Variants in BPTF observed in about 807,000 individuals in gnomAD.
The protein encoded by BPTF is bromodomain PHD finger transcription factor, also known as nucleosome-remodeling factor subunit BPTF.
BPTF carries 18 observed loss-of-function variants against 292.5 expected under a neutral mutation model. The observed-to-expected ratio is 0.06, with a 90% CI of 0.04 to 0.09. The LOEUF (loss-of-function observed/expected upper bound fraction) is 0.09, where lower values mean the gene tolerates loss of function less well. Ranked by LOEUF, BPTF falls within the 10% of genes least tolerant of loss-of-function variation. BPTF has a pLI of 1.00. For missense variants in BPTF, 2,726 were observed against 3,498.7 expected, an observed-to-expected ratio of 0.78 and a Z score of 5.57; for synonymous variants, 1,225 against 1,251.9, an observed-to-expected ratio of 0.98 and a Z score of 0.45.
At position 67,928,436 on chromosome 17, in the gene BPTF, C is replaced by T. The variant is rs2064099622; in HGVS notation, c.5833C>T (p.Pro1945Ser). 1 of 1,614,186 alleles carries T rather than the reference C, an allele frequency of 6.2e-7. No individual in the cohort carries two copies. The highest frequency in any genetic ancestry group is 1.3e-5 in the African/African-American group (1 of 75,062). ...AAGCAGTACAACCAGCACCATCTCT[C>T]CAGCACAGAAGGTTATGGTGGCCCC... ...PTSSTTSTIS[P>S]AQKVMVAPIS... The change falls in exon 16 of 28, where the codon CCA (proline) becomes TCA (serine). Residue 1945 changes from proline to serine, a missense_variant. Pro to Ser is a moderately conservative substitution (Grantham distance 74). Transcript: ENST00000306378.
intron 3 of BPTF, 60 bp from the exon 4 acceptor site, chr17:67,874,756 TG>T: frequency 9.1e-7 from 1 of 1,099,160 alleles, no homozygotes; most frequent in Non-Finnish European, 1.3e-6. Flanking sequence ...GTGACATTTG[TG>T]GTACTGTTCT....
chr17:67,966,669 G>C lies in BPTF; in HGVS notation c.8539+13G>C. 6.7e-7 allele frequency: 1 copy of C among 1,487,448 alleles called. No homozygotes were observed. The highest frequency in any genetic ancestry group is 2.5e-5 in the East Asian group (1 of 40,722). 92.1% of individuals were successfully genotyped at this position (1,487,448 alleles called of 1,614,324 possible). The stretch of plus-strand genomic sequence containing the variant: ...AAGGAACCTATGGGTAAGTACATGA[G>C]TTGAATATGAAGTTTTTCAGAAGTC... On this transcript the variant is annotated intron_variant, in intron 26 of 27. Coordinates refer to ENST00000306378, the MANE Select transcript of BPTF (RefSeq NM_182641.4).
intron 2 of BPTF, among the ~76,000 whole-genome samples, chr17:67,865,412 A>G (rs2059338770): frequency 6.6e-6 from 1 of 152,212 alleles, no homozygotes; most frequent in South Asian, 2.1e-4. Context: ...TTATCATTAT[A>G]CCTTTAAGTC....
Position 67,928,162 on chromosome 17 carries a change from G to T in BPTF, c.5752-193G>T, listed in dbSNP as rs565833801. Reference sequence around the variant, plus strand: ...GCCTCCCAGAGTGCTAGGATTACAGGTGTGAGCCACCGCAGCCAGCCATAA... The same window carrying T: ...GCCTCCCAGAGTGCTAGGATTACAGTTGTGAGCCACCGCAGCCAGCCATAA... On this transcript the variant is annotated intron_variant, in intron 15 of 27. Coordinates refer to ENST00000306378, the MANE Select transcript of BPTF (RefSeq NM_182641.4). Among the ~76,000 whole-genome samples, 16 of 152,226 alleles carry T rather than the reference G, an allele frequency of 1.1e-4. No individual in the cohort carries two copies. In the East Asian group the frequency reaches 2.7e-3, roughly 26 times the overall value.
At chr17:67,887,183 G>C (rs1049611490) in intron 4 of BPTF, among the ~76,000 whole-genome samples, 1 of 152,034 alleles carries the variant, frequency 6.6e-6, no homozygotes, top group Non-Finnish European at 1.5e-5. Context: ...AAAGTATTTC[G>C]TATACAAATT....
intron 11 of BPTF, 130 bp from the exon 12 acceptor site, chr17:67,918,584 C>T: frequency 3.9e-6 from 3 of 766,500 alleles, no homozygotes; most frequent in South Asian, 3.5e-5. Flanking sequence ...CTTACAAAAC[C>T]ATATTATAAA....
chr17:67,940,350 G>T, intron 18 of BPTF, 89 bp from the exon 19 acceptor site: 2 of 1,173,870 alleles, frequency 1.7e-6, no homozygotes, highest in Non-Finnish European at 2.5e-6. Context: ...AGATGGAAAA[G>T]AATACGTTCA....
rs1370591215 is a variant in BPTF, at chr17:67,966,465, C to A, written c.8455-107C>A. 1.3e-5 allele frequency: 12 copies of A among 946,432 alleles called. No individual in the cohort carries two copies. In the African/African-American group the frequency reaches 1.3e-4, roughly 11 times the overall value. 58.6% of individuals were successfully genotyped at this position (946,432 alleles called of 1,614,324 possible). ...ACTTAATATAAAATATTTCATGTAT[C>A]AAATTTAAAACTCACTTTTGGGTTC... is the stretch of plus-strand genomic sequence containing the variant. On this transcript the variant is annotated intron_variant, in intron 25 of 27. Coordinates refer to ENST00000306378, the MANE Select transcript of BPTF (RefSeq NM_182641.4).
chr17:67,875,865 C>A, intron 4 of BPTF: 3 of 825,842 alleles, frequency 3.6e-6, no homozygotes, highest in Non-Finnish European at 4.9e-6. Flanking sequence ...GCTTACAGTG[C>A]CATCCCCATT....
chr17:67,926,449 C>T (rs893606411), intron 15 of BPTF, among the ~76,000 whole-genome samples: 95 of 150,946 alleles, frequency 6.3e-4, no homozygotes, highest in African/African-American at 2.3e-3. Flanking sequence ...CTCAGCCTCC[C>T]GAGTAACTGT....
chr17:67,959,171 A>G (rs1210843004), intron 23 of BPTF, among the ~76,000 whole-genome samples: 1 of 152,180 alleles, frequency 6.6e-6, no homozygotes, highest in African/African-American at 2.4e-5. Context: ...AAGAGCAACT[A>G]GAAGAAAGCA....
At chr17:67,890,445 T>A (rs1567988680) in intron 4 of BPTF, among the ~76,000 whole-genome samples, 1 of 152,216 alleles carries the variant, frequency 6.6e-6, no homozygotes, top group South Asian at 2.1e-4. Context: ...TTCCTGCTCA[T>A]TAGTACAAAA....
At chr17:67,844,900 C>T (rs534790688) in intron 1 of BPTF, among the ~76,000 whole-genome samples, 13 of 152,252 alleles carry the variant, frequency 8.5e-5, no homozygotes, top group East Asian at 1.9e-4. Flanking sequence ...TGTGCCACCA[C>T]GCCTGGCTAA....
chr17:67,927,798 T>A (rs1161405923), intron 15 of BPTF, among the ~76,000 whole-genome samples: 1 of 152,152 alleles, frequency 6.6e-6, no homozygotes, highest in Non-Finnish European at 1.5e-5. Context: ...ATATGTGGTA[T>A]AGAGACATGA....
At chr17:67,856,143 C>A (rs1305006928) in intron 2 of BPTF, among the ~76,000 whole-genome samples, 3 of 152,056 alleles carry the variant, frequency 2.0e-5, no homozygotes, top group Non-Finnish European at 4.4e-5. Context: ...ACTTTCTTAT[C>A]ATTTCTCTCC....
At chr17:67,967,722 G>T (rs1473902918) in intron 26 of BPTF, among the ~76,000 whole-genome samples, 1 of 151,542 alleles carries the variant, frequency 6.6e-6, no homozygotes, top group African/African-American at 2.4e-5. Context: ...AGGAGGCTGA[G>T]GCACAAGAAT....
chr17:67,896,466 A>ACC (rs67648508), intron 7 of BPTF, among the ~76,000 whole-genome samples: 115,626 of 147,956 alleles, frequency 0.78, 46,836 homozygotes, highest in South Asian at 0.91. Flanking sequence ...GTAACTAGAA[A>ACC]CTGTCCCCCC....
At chr17:67,910,755 A>T in intron 10 of BPTF, 122 bp from the exon 11 acceptor site, 1 of 611,980 alleles carries the variant, frequency 1.6e-6, no homozygotes, top group Non-Finnish European at 2.3e-6. Context: ...AACTGAGATC[A>T]TGCCACTGCA....
chr17:67,935,502 C>A lies in BPTF; in HGVS notation c.6259+3483C>A, dbSNP rs537237546. ...AATAATAATTACAAAACAGAAAAGA[C>A]CAAAAAAATTAGACCATTATTTTGC... is the stretch of plus-strand genomic sequence containing the variant. On this transcript the variant is annotated intron_variant, in intron 18 of 27. Transcript: ENST00000306378. Among the ~76,000 whole-genome samples the A allele has an allele frequency of 2.0e-5, 3 of 151,820 alleles. No individual in the cohort carries two copies. In the South Asian group the frequency reaches 6.3e-4, roughly 32 times the overall value.
Sources: allele counts gnomAD v4.1 joint callset (sites outside exome capture counted in the v4.1 genomes callset), GRCh38; gene constraint gnomAD v4.1.1; transcripts MANE v1.5; gene names NCBI Gene and HGNC (gene_info 2026-07-23, HGNC 2026-07-21).